PHACTR3: variants seen among roughly 807,000 people sequenced by gnomAD.
The protein encoded by PHACTR3 is protein phosphatase 1, regulatory subunit 123.
PHACTR3 carries 16 observed loss-of-function variants against 66.8 expected under a neutral mutation model. That is an observed-to-expected ratio of 0.24 (90% CI 0.16 to 0.36). PHACTR3 has a LOEUF of 0.36. Among genes scored for constraint, PHACTR3 ranks in the 10% least tolerant of loss-of-function variants. The pLI is 1.00. For missense variants in PHACTR3, 647 were observed against 719.9 expected, an observed-to-expected ratio of 0.90 and a Z score of 1.16; for synonymous variants, 323 against 292.1, an observed-to-expected ratio of 1.11 and a Z score of -1.08.
chr20:59,608,622 T>G (rs1189272160), intron 1 of PHACTR3, among the ~76,000 whole-genome samples: 1 of 152,158 alleles, frequency 6.6e-6, no homozygotes, highest in Admixed American at 6.5e-5. Flanking sequence ...CTCCTGGGCC[T>G]TCCTCAACAT....
intron 1 of PHACTR3, among the ~76,000 whole-genome samples, chr20:59,716,189 G>A (rs1350683718): frequency 6.7e-6 from 1 of 148,504 alleles, no homozygotes; most frequent in African/African-American, 2.5e-5. Flanking sequence ...CCCCTGCTTT[G>A]CTCTTCCCTT....
At chr20:59,650,827 G>A (rs1475434155) in intron 1 of PHACTR3, among the ~76,000 whole-genome samples, 1 of 151,876 alleles carries the variant, frequency 6.6e-6, no homozygotes. Flanking sequence ...AAACAAGAAG[G>A]ATCTACCCAG....
At chr20:59,598,821 T>G (rs1555876070) in intron 1 of PHACTR3, among the ~76,000 whole-genome samples, 1 of 152,158 alleles carries the variant, frequency 6.6e-6, no homozygotes, top group Non-Finnish European at 1.5e-5. Flanking sequence ...TTTTTCCAGG[T>G]GACCAGCAGA....
At chr20:59,603,942 C>T (rs2033562248), upstream of PHACTR3, 1 of 152,312 alleles carries the variant, frequency 6.6e-6, no homozygotes. Context: ...TGGAGGACAC[C>T]TCTGTGAGTG....
At chr20:59,809,461 C>T (rs906692953) in intron 8 of PHACTR3, among the ~76,000 whole-genome samples, 7 of 152,112 alleles carry the variant, frequency 4.6e-5, no homozygotes, top group East Asian at 1.9e-4. Context: ...TTATTTTCAG[C>T]GTTTATCAGC....
chr20:59,728,243 A>G (rs1287742991), intron 1 of PHACTR3, among the ~76,000 whole-genome samples: 1 of 152,024 alleles, frequency 6.6e-6, no homozygotes, highest in Non-Finnish European at 1.5e-5. Context: ...CCTTTCGTTT[A>G]GCACCATGAT....
chr20:59,709,585 A>T (rs1326580605), intron 1 of PHACTR3, among the ~76,000 whole-genome samples: 1 of 152,206 alleles, frequency 6.6e-6, no homozygotes, highest in Non-Finnish European at 1.5e-5. Context: ...TGGTTATATT[A>T]TTGAATAAAG....
At chr20:59,618,485 G>T (rs2034114563) in intron 1 of PHACTR3, among the ~76,000 whole-genome samples, 1 of 152,222 alleles carries the variant, frequency 6.6e-6, no homozygotes, top group Non-Finnish European at 1.5e-5. Flanking sequence ...ACAGATGGTG[G>T]GGCCTGGGCT....
chr20:59,838,802 T>C (rs570692635), intron 9 of PHACTR3, among the ~76,000 whole-genome samples: 2 of 152,248 alleles, frequency 1.3e-5, no homozygotes, highest in Admixed American at 1.3e-4. Context: ...ATGGGTCCCT[T>C]GCTTTGTATA....
intron 1 of PHACTR3, among the ~76,000 whole-genome samples, chr20:59,594,059 G>A (rs1227072981): frequency 2.6e-5 from 4 of 152,172 alleles, no homozygotes; most frequent in Non-Finnish European, 4.4e-5. Context: ...AGATTGCATT[G>A]AATTTACGGG....
intron 4 of PHACTR3, among the ~76,000 whole-genome samples, chr20:59,762,611 T>C (rs2040030190): frequency 6.6e-6 from 1 of 152,190 alleles, no homozygotes; most frequent in Non-Finnish European, 1.5e-5. Flanking sequence ...AGATGTAGTT[T>C]GGATTGGCTA....
chr20:59,822,860 G>T (rs2042090228), intron 8 of PHACTR3, among the ~76,000 whole-genome samples: 1 of 152,196 alleles, frequency 6.6e-6, no homozygotes, highest in South Asian at 2.1e-4. Context: ...AGAGCGGCGG[G>T]CTGTTCAGGT....
chr20:59,602,073 C>T (rs995830391), upstream of PHACTR3, among the ~76,000 whole-genome samples: 1 of 152,162 alleles, frequency 6.6e-6, no homozygotes, highest in Admixed American at 6.5e-5. Flanking sequence ...CATTCTTTGT[C>T]CTTATGGTAA....
In PHACTR3 at chr20:59,767,378, C is replaced by A; in HGVS notation, c.734C>A (p.Thr245Asn). Residue 245 changes from threonine (T) to asparagine (N), a missense_variant, in exon 5 of 13, where the codon ACC becomes AAC. Around this residue, in one of 2 missense-constraint regions of PHACTR3, gnomAD observed 577 missense variants for 571.1 expected, o/e 1.01. Transcript: ENST00000371015. ...PTPPPKASSKTTKNVTGQATL... is the reference protein window; with the variant it reads ...PTPPPKASSKNTKNVTGQATL... ...CCGCCACCCAAGGCAAGCTCCAAAA[C>A]CACAAAAAATGTCACAGGTGGGTCC... is the stretch of plus-strand genomic sequence containing the variant. 1 of 1,613,818 alleles carries A rather than the reference C, an allele frequency of 6.2e-7. No homozygotes were observed. The highest frequency in any genetic ancestry group is 8.5e-7 in the Non-Finnish European group (1 of 1,180,010).
chr20:59,671,274 G>A (rs1487014933), intron 1 of PHACTR3, among the ~76,000 whole-genome samples: 2 of 152,198 alleles, frequency 1.3e-5, no homozygotes, highest in African/African-American at 2.4e-5. Context: ...AAGAAGGCTG[G>A]GGGTGCGGCT....
chr20:59,831,121 G>A (rs2042359692), intron 8 of PHACTR3, among the ~76,000 whole-genome samples: 2 of 152,192 alleles, frequency 1.3e-5, no homozygotes, highest in Non-Finnish European at 2.9e-5. Context: ...CGTGTGAGAG[G>A]CACTCGGAAC....
At chr20:59,602,235 G>A (rs1210393642), upstream of PHACTR3, among the ~76,000 whole-genome samples, 1 of 152,016 alleles carries the variant, frequency 6.6e-6, no homozygotes, top group Non-Finnish European at 1.5e-5. Flanking sequence ...GCCAGCCAGC[G>A]AGGCTGTGCT....
intron 1 of PHACTR3, among the ~76,000 whole-genome samples, chr20:59,592,044 TACACAC>T (rs777577447): frequency 1.1e-4 from 16 of 151,866 alleles, no homozygotes; most frequent in Non-Finnish European, 1.8e-4. Context: ...GAAATACACA[TACACAC>T]ACACAGACAC....
chr20:59,847,079 T>TA lies in PHACTR3; in HGVS notation c.1665-34dup, dbSNP rs770429439. Reference sequence around the variant, plus strand: ...GGCTATTTTAACTGCTAGAAATGAATAACCTTAAATTCTTTGTCTTTTTTA... The same window carrying TA: ...GGCTATTTTAACTGCTAGAAATGAATAAACCTTAAATTCTTTGTCTTTTTTA... On this transcript the variant is annotated intron_variant, in intron 12 of 12. Coordinates refer to ENST00000371015, the MANE Select transcript of PHACTR3 (RefSeq NM_080672.5). 259 of 1,434,760 alleles carry TA rather than the reference T, an allele frequency of 1.8e-4. 1 individual carries two copies. Among genetic ancestry groups the TA allele is most frequent in the Non-Finnish European group, 2.3e-4 (239 of 1,029,492 alleles). The allele number at this position is 1,434,760 out of a possible 1,614,324, so 88.9% of individuals were successfully genotyped here. A position where few individuals can be genotyped will look rare whatever the true frequency, so the allele number is the denominator to read the frequency against.
Sources: allele counts gnomAD v4.1 joint callset (sites outside exome capture counted in the v4.1 genomes callset), GRCh38; gene constraint gnomAD v4.1.1; regional missense constraint gnomAD v4.1.1; transcripts MANE v1.5; gene names NCBI Gene and HGNC (gene_info 2026-07-23, HGNC 2026-07-21).